ABCA1: variants seen among roughly 807,000 people sequenced by gnomAD.
ABCA1 encodes phospholipid-transporting ATPase ABCA1.
A neutral mutation model predicts 262.5 loss-of-function variants in ABCA1; 133 were observed. The ratio of observed to expected loss-of-function variants is 0.51; its 90% CI spans 0.44 to 0.59. The LOEUF (loss-of-function observed/expected upper bound fraction) is 0.59, where lower values mean the gene tolerates loss of function less well. ABCA1 is among the 20% of genes least tolerant of loss of function. The pLI is 0.00. For missense variants in ABCA1, 2,452 were observed against 2,777.5 expected (o/e 0.88, Z 2.63); for synonymous variants, 1,022 against 1,043.5 (o/e 0.98, Z 0.40).
chr9:104,843,932 A>G (rs1018249821), intron 8 of ABCA1, among the ~76,000 whole-genome samples: 1 of 151,974 alleles, frequency 6.6e-6, no homozygotes, highest in Non-Finnish European at 1.5e-5. Context: ...CACAAGAAAC[A>G]GCTGCCAAGA....
chr9:104,829,211 G>A (rs1833048746), intron 14 of ABCA1, 73 bp from the exon 15 acceptor site: 2 of 1,474,930 alleles, frequency 1.4e-6, no homozygotes, highest in Admixed American at 3.6e-5. Flanking sequence ...CAAGGCCTCT[G>A]AGCCTGCATG....
chr9:104,801,116 T>TAAAAAA (rs72121018), intron 34 of ABCA1, among the ~76,000 whole-genome samples: 4,693 of 145,392 alleles, frequency 0.032, 223 homozygotes, highest in African/African-American at 0.097. Flanking sequence ...CTTGCCAGCT[T>TAAAAAA]AAAAAAAAAA....
intron 37 of ABCA1, 86 bp downstream of exon 37, chr9:104,798,335 T>C (rs1830069226): frequency 2.7e-6 from 4 of 1,486,048 alleles, no homozygotes; most frequent in Admixed American, 1.7e-5. Flanking sequence ...CATTTCCTGA[T>C]GATAGCCAGA....
intron 1 of ABCA1, among the ~76,000 whole-genome samples, chr9:104,925,685 G>A (rs1826267967): frequency 6.6e-6 from 1 of 152,106 alleles, no homozygotes; most frequent in Non-Finnish European, 1.5e-5. Context: ...TATTTTAATG[G>A]TTTGTGGAAT....
At chr9:104,837,850 A>G (rs992487840) in intron 9 of ABCA1, among the ~76,000 whole-genome samples, 4 of 152,248 alleles carry the variant, frequency 2.6e-5, no homozygotes, top group African/African-American at 9.6e-5. Flanking sequence ...TCAATGACGG[A>G]TAACTCACGA....
chr9:104,831,947 T>A, intron 12 of ABCA1, 120 bp from the exon 13 acceptor site: 1 of 972,900 alleles, frequency 1.0e-6, no homozygotes, highest in South Asian at 1.3e-5. Flanking sequence ...CTCTCTCTAA[T>A]CCTCTCTAAC....
At chr9:104,813,699 C>T (rs1831480917) in intron 27 of ABCA1, among the ~76,000 whole-genome samples, 1 of 152,246 alleles carries the variant, frequency 6.6e-6, no homozygotes, top group Non-Finnish European at 1.5e-5. Flanking sequence ...TGGCATGAGC[C>T]ACCATGCCCA....
chr9:104,855,674 A>T (rs1835773188), intron 7 of ABCA1: 1 of 1,490,780 alleles, frequency 6.7e-7, no homozygotes, highest in African/African-American at 1.4e-5. Flanking sequence ...TATTATGTGT[A>T]TGTAGAAGAA....
At chr9:104,908,737 C>A (rs1841322444) in intron 1 of ABCA1, among the ~76,000 whole-genome samples, 1 of 152,168 alleles carries the variant, frequency 6.6e-6, no homozygotes, top group Non-Finnish European at 1.5e-5. Flanking sequence ...ATGCGACAAC[C>A]TGGATGAATC....
chr9:104,876,923 A>AG (rs760769330), intron 5 of ABCA1, among the ~76,000 whole-genome samples: 6 of 152,244 alleles, frequency 3.9e-5, no homozygotes, highest in African/African-American at 1.4e-4. Flanking sequence ...ACAAGTTGGT[A>AG]GGGGGCTCTC....
intron 16 of ABCA1, among the ~76,000 whole-genome samples, chr9:104,826,692 T>A (rs1253612527): frequency 1.3e-5 from 2 of 152,208 alleles, no homozygotes; most frequent in Non-Finnish European, 2.9e-5. Context: ...CCAGCCCAGT[T>A]CAAGATGCAG....
At chr9:104,797,212 A>G (rs1048036248) in intron 37 of ABCA1, among the ~76,000 whole-genome samples, 7 of 152,226 alleles carry the variant, frequency 4.6e-5, no homozygotes, top group South Asian at 2.1e-4. Context: ...TGAATCACCT[A>G]TGCCTGGCAT....
Position 104,809,691 on chromosome 9 carries a change from G to A in ABCA1, c.4176-127C>T, listed in dbSNP as rs536305242. The A allele has an allele frequency of 4.4e-6, 4 of 904,496 alleles. No individual in the cohort carries two copies. The Admixed American group carries it at 8.3e-5, about 19-fold the overall frequency. The allele number at this position is 904,496 out of a possible 1,614,324, so 56.0% of individuals were successfully genotyped here. ...TGTGACAGGCTCTTAAAACAGAAATGAACAAAACACAGAAACCACCCAGAA... is the reference window on the plus strand; with the variant it reads ...TGTGACAGGCTCTTAAAACAGAAATAAACAAAACACAGAAACCACCCAGAA... On this transcript the variant is annotated intron_variant, in intron 29 of 49. Coordinates refer to ENST00000374736, the MANE Select transcript of ABCA1 (RefSeq NM_005502.4).
At chr9:104,803,609 CT>C (rs111718731) in intron 32 of ABCA1, among the ~76,000 whole-genome samples, 16 of 149,938 alleles carry the variant, frequency 1.1e-4, no homozygotes, top group Non-Finnish European at 1.6e-4. Flanking sequence ...CTTTTTCTTT[CT>C]TTTTTTTTTC....
At chr9:104,798,133 G>T (rs1223909614) in intron 37 of ABCA1, among the ~76,000 whole-genome samples, 1 of 152,184 alleles carries the variant, frequency 6.6e-6, no homozygotes, top group Non-Finnish European at 1.5e-5. Context: ...GTTTTGACTT[G>T]TATCTCTCTG....
chr9:104,819,706 G>C lies in ABCA1; in HGVS notation c.3121C>G (p.Leu1041Val), dbSNP rs192935024. Residue 1041 changes from leucine (L) to valine (V), a missense_variant, in exon 22 of 50, where the codon CTA (leucine) becomes GTA (valine). Around this residue, in one of 4 missense-constraint regions of ABCA1, gnomAD observed 665 missense variants for 727.3 expected, o/e 0.91. Transcript: ENST00000374736. ...CCGACAAAGGCCAAGGCCACAGATA[G>C]CTTTCTCTGCATTCCACCTACAAAA... ...SQLSGGMQRK[L>V]SVALAFVGGS... 1.6e-4 allele frequency: 263 copies of C among 1,614,202 alleles called. 1 individual carries two copies. The East Asian group carries it at 5.6e-3, about 34-fold the overall frequency.
chr9:104,909,270 T>G (rs1218218524), intron 1 of ABCA1, among the ~76,000 whole-genome samples: 1 of 152,158 alleles, frequency 6.6e-6, no homozygotes, highest in African/African-American at 2.4e-5. Flanking sequence ...GATTCAGTGG[T>G]GAACAACAGA....
intron 5 of ABCA1, among the ~76,000 whole-genome samples, chr9:104,862,166 G>C (rs1174789294): frequency 6.6e-6 from 1 of 151,564 alleles, no homozygotes; most frequent in Non-Finnish European, 1.5e-5. Context: ...TGCAATGGTG[G>C]AATCTCAGCT....
intron 8 of ABCA1, among the ~76,000 whole-genome samples, chr9:104,840,812 C>T (rs1834299791): frequency 6.6e-6 from 1 of 152,198 alleles, no homozygotes; most frequent in Admixed American, 6.5e-5. Context: ...TACAGCTTCA[C>T]AAGATGCCCA....
Sources: allele counts gnomAD v4.1 joint callset (sites outside exome capture counted in the v4.1 genomes callset), GRCh38; gene constraint gnomAD v4.1.1; regional missense constraint gnomAD v4.1.1; transcripts MANE v1.5; gene names NCBI Gene and HGNC (gene_info 2026-07-23, HGNC 2026-07-21).